Variants in ATP9B observed in about 807,000 individuals in gnomAD.
ATP9B encodes the protein ATPase phospholipid transporting 9B.
In ATP9B, 110 loss-of-function variants were observed where a neutral mutation model predicts 146.1. That is an observed-to-expected ratio of 0.75 (90% CI 0.65 to 0.88). ATP9B has a LOEUF of 0.88. Ranked by LOEUF, ATP9B falls within the 40% of genes least tolerant of loss-of-function variation. ATP9B has a pLI of 0.00. For missense variants in ATP9B, 1,499 were observed against 1,496.4 expected (o/e 1.00, Z -0.03); for synonymous variants, 604 against 569.7 (o/e 1.06, Z -0.86).
At chr18:79,201,112 G>T (rs567282620) in intron 9 of ATP9B, among the ~76,000 whole-genome samples, 56 of 152,192 alleles carry the variant, frequency 3.7e-4, no homozygotes, top group Non-Finnish European at 7.2e-4. Context: ...GCTAATTAAA[G>T]ATACATTTAC....
chr18:79,287,100 C>A (rs541898632), intron 13 of ATP9B, among the ~76,000 whole-genome samples: 1 of 152,152 alleles, frequency 6.6e-6, no homozygotes, highest in African/African-American at 2.4e-5. Context: ...GTGTCTCTGC[C>A]GGGCTTTGGT....
intron 1 of ATP9B, among the ~76,000 whole-genome samples, chr18:79,083,816 A>T (rs560166553): frequency 1.3e-5 from 2 of 150,796 alleles, no homozygotes; most frequent in Non-Finnish European, 2.9e-5. Flanking sequence ...TTTTGCCTTG[A>T]TCTCATTGGG....
chr18:79,096,331 A>G (rs2146761538), intron 1 of ATP9B, 145 bp from the exon 2 acceptor site: 2 of 747,946 alleles, frequency 2.7e-6, no homozygotes, highest in South Asian at 4.3e-5. Context: ...TTCCTTTGCA[A>G]AAGAAAGCAG....
At chr18:79,273,197 G>A (rs2145633383) in intron 12 of ATP9B, among the ~76,000 whole-genome samples, 1 of 152,310 alleles carries the variant, frequency 6.6e-6, no homozygotes. Flanking sequence ...ATTTCAGGGT[G>A]TTTGTGATGA....
intron 1 of ATP9B, among the ~76,000 whole-genome samples, chr18:79,095,957 T>C (rs888554567): frequency 7.2e-5 from 11 of 152,316 alleles, no homozygotes; most frequent in African/African-American, 2.6e-4. Flanking sequence ...GGACATAGCA[T>C]CATTCCCCAA....
At chr18:79,086,435 CAAAA>C (rs56268434) in intron 1 of ATP9B, 15 of 63,478 alleles carry the variant, frequency 2.4e-4, no homozygotes, top group African/African-American at 4.8e-4. Flanking sequence ...GGCTCTATCT[CAAAA>C]AAAAAAAAAA....
intron 13 of ATP9B, among the ~76,000 whole-genome samples, chr18:79,278,881 C>T (rs754324771): frequency 6.6e-6 from 1 of 152,084 alleles, no homozygotes; most frequent in Non-Finnish European, 1.5e-5. Flanking sequence ...AGAAAACAAG[C>T]AGGAGTAAAA....
intron 13 of ATP9B, among the ~76,000 whole-genome samples, chr18:79,280,806 A>C (rs2096368419): frequency 6.6e-6 from 1 of 152,012 alleles, no homozygotes; most frequent in South Asian, 2.1e-4. Context: ...GAGATGAGTT[A>C]GAAGTTAATA....
chr18:79,327,402 G>A (rs1053726172), intron 15 of ATP9B, among the ~76,000 whole-genome samples: 1 of 152,240 alleles, frequency 6.6e-6, no homozygotes, highest in African/African-American at 2.4e-5. Context: ...GGGCTGTGCT[G>A]CAGTGGTGTG....
rs1433373114 is a variant in ATP9B, at chr18:79,307,150, C to T, written c.1689C>T (p.Gly563=). Reference sequence around the variant, plus strand: ...CCCCCGTGTATGAGTCTCGGGCCGGCGTTACTGAGGAGACTGAGTTCGCAG... The same window carrying T: ...CCCCCGTGTATGAGTCTCGGGCCGGTGTTACTGAGGAGACTGAGTTCGCAG... ...NVTPVYESRA[G]VTEETEFAEA... The change falls in exon 15 of 30, where the codon GGC becomes GGT. Residue 563 remains glycine (G), a synonymous_variant. Coordinates refer to ENST00000426216, the MANE Select transcript of ATP9B (RefSeq NM_198531.5). 13 of 1,614,064 alleles carry T rather than the reference C, an allele frequency of 8.1e-6. No homozygotes were observed. Among genetic ancestry groups the T allele is most frequent in the East Asian group, 2.2e-5 (1 of 44,896 alleles).
At chr18:79,341,774 C>G (rs1407302370) in intron 19 of ATP9B, among the ~76,000 whole-genome samples, 1 of 151,706 alleles carries the variant, frequency 6.6e-6, no homozygotes, top group Non-Finnish European at 1.5e-5. Flanking sequence ...GCCTGCGTTG[C>G]CGACACACCA....
intron 13 of ATP9B, among the ~76,000 whole-genome samples, chr18:79,283,621 T>A (rs1464961782): frequency 6.6e-6 from 1 of 152,226 alleles, no homozygotes; most frequent in Non-Finnish European, 1.5e-5. Context: ...AGATCTGAAA[T>A]TAATGATGTT....
chr18:79,193,289 A>C, intron 9 of ATP9B, 26 bp downstream of exon 9: 7 of 1,527,170 alleles, frequency 4.6e-6, no homozygotes, highest in Non-Finnish European at 6.3e-6. Context: ...TGTTCAATAC[A>C]AATAGAGTTA....
At chr18:79,333,473 G>A (rs938477303) in intron 17 of ATP9B, among the ~76,000 whole-genome samples, 1 of 152,218 alleles carries the variant, frequency 6.6e-6, no homozygotes, top group Admixed American at 6.5e-5. Flanking sequence ...TAATTAACTT[G>A]TTTAGGATAT....
intron 26 of ATP9B, chr18:79,360,129 A>G (rs1361233992): frequency 6.5e-6 from 1 of 153,384 alleles, no homozygotes; most frequent in African/African-American, 2.4e-5. Flanking sequence ...TCTTTACGAC[A>G]GCATATTTTA....
chr18:79,321,762 C>G (rs533782898), intron 15 of ATP9B, among the ~76,000 whole-genome samples: 56 of 152,302 alleles, frequency 3.7e-4, no homozygotes, highest in African/African-American at 1.3e-3. Flanking sequence ...ATAAGCTGCT[C>G]TTTGCTCAAA....
intron 11 of ATP9B, among the ~76,000 whole-genome samples, chr18:79,245,576 C>CAGAGGGCACCGCCCTACTGACTGA (rs1568482588): frequency 7.1e-6 from 1 of 140,698 alleles, no homozygotes; most frequent in Non-Finnish European, 1.5e-5. Context: ...ACTGACTGTG[C>CAGAGGGCACCGCCCTACTGACTGA]GGAGGGCACC....
At chr18:79,105,743 G>A (rs1599584774) in intron 2 of ATP9B, among the ~76,000 whole-genome samples, 2 of 152,296 alleles carry the variant, frequency 1.3e-5, no homozygotes, top group South Asian at 2.1e-4. Flanking sequence ...CCAGTGAATG[G>A]CATTTCCATA....
intron 11 of ATP9B, among the ~76,000 whole-genome samples, chr18:79,222,465 AC>A (rs923632718): frequency 6.6e-6 from 1 of 152,044 alleles, no homozygotes; most frequent in African/African-American, 2.4e-5. Context: ...GGGTGGCCCC[AC>A]GTAGGCAACA....
Sources: gnomAD v4.1 joint callset for allele counts (sites outside exome capture counted in the v4.1 genomes callset) on GRCh38, gnomAD v4.1.1 for gene constraint, MANE v1.5 for transcripts, NCBI Gene and HGNC (gene_info 2026-07-23, HGNC 2026-07-21) for gene names.